KCNJ16: variants seen among roughly 807,000 people sequenced by gnomAD.
KCNJ16 encodes the protein potassium inwardly rectifying channel subfamily J member 16.
In KCNJ16, 15 loss-of-function variants were observed where a neutral mutation model predicts 18.5. The observed-to-expected ratio is 0.81, with a 90% confidence interval of 0.54 to 1.25. KCNJ16 has a LOEUF of 1.25. Among genes scored for constraint, KCNJ16 ranks in the 50% most tolerant of loss-of-function variants. The pLI is 0.00. For missense variants in KCNJ16, 523 were observed against 525.7 expected, an observed-to-expected ratio of 0.99 and a Z score of 0.05; for synonymous variants, 174 against 186.5, an observed-to-expected ratio of 0.93 and a Z score of 0.55.
chr17:70,096,842 G>T, intron 1 of KCNJ16: 1 of 397,346 alleles, frequency 2.5e-6, no homozygotes, highest in South Asian at 1.3e-4. Context: ...CTAGTAACTT[G>T]GTCAGGGTTT....
In KCNJ16 at chr17:70,133,040, G is replaced by A. The variant is rs1242759743; in HGVS notation, c.953G>A (p.Arg318Lys). 1.2e-6 allele frequency: 2 copies of A among 1,614,006 alleles called. No individual in the cohort carries two copies. Among genetic ancestry groups the A allele is most frequent in the Admixed American group, 1.7e-5 (1 of 59,990 alleles). The change falls in exon 4 of 4, where the codon AGG becomes AAG. Residue 318 changes from arginine (R) to lysine (K), a missense_variant. Coordinates refer to ENST00000392671, the MANE Select transcript of KCNJ16 (RefSeq NM_170741.4). ...HRFNDVLEVK[R>K]KYYKVNCLQF... ...TTTAATGATGTCTTGGAAGTTAAGAGGAAGTATTACAAAGTGAACTGCTTA... is the reference window on the plus strand; with the variant it reads ...TTTAATGATGTCTTGGAAGTTAAGAAGAAGTATTACAAAGTGAACTGCTTA...
intron 1 of KCNJ16, among the ~76,000 whole-genome samples, chr17:70,088,071 C>T (rs1366878124): frequency 5.5e-5 from 8 of 146,634 alleles, no homozygotes; most frequent in Non-Finnish European, 9.0e-5. Context: ...GTTTGAAAAC[C>T]AGTAGTCTAG....
chr17:70,131,909 T>C, intron 3 of KCNJ16, 86 bp from the exon 4 acceptor site: 1 of 1,166,402 alleles, frequency 8.6e-7, no homozygotes, highest in Non-Finnish European at 1.2e-6. Flanking sequence ...TTTTAGATGG[T>C]ATGACACTGC....
At chr17:70,130,095 T>C (rs1280530066) in intron 2 of KCNJ16, among the ~76,000 whole-genome samples, 1 of 152,138 alleles carries the variant, frequency 6.6e-6, no homozygotes, top group African/African-American at 2.4e-5. Flanking sequence ...TATCTCTATA[T>C]CTGCTTTTTA....
At chr17:70,103,125 A>G (rs1193013280) in intron 2 of KCNJ16, among the ~76,000 whole-genome samples, 1 of 142,580 alleles carries the variant, frequency 7.0e-6, no homozygotes, top group African/African-American at 2.6e-5. Flanking sequence ...TATATTTAAT[A>G]TATATATTTA....
intron 2 of KCNJ16, among the ~76,000 whole-genome samples, chr17:70,110,408 G>A (rs2073135758): frequency 6.6e-6 from 1 of 152,016 alleles, no homozygotes; most frequent in Admixed American, 6.6e-5. Flanking sequence ...ACAACCTAGA[G>A]CCTACGAGGA....
intron 2 of KCNJ16, among the ~76,000 whole-genome samples, chr17:70,104,595 G>C (rs1177317904): frequency 6.6e-6 from 1 of 152,238 alleles, no homozygotes; most frequent in African/African-American, 2.4e-5. Flanking sequence ...ACAAGACCTA[G>C]AGGTGTCAGT....
At position 70,134,257 on chromosome 17, in the gene KCNJ16, C is replaced by T. The variant is rs533854701; in HGVS notation, c.*913C>T. 11 of 160,382 alleles carry T rather than the reference C, an allele frequency of 6.9e-5. No homozygotes were observed. Among genetic ancestry groups the T allele is most frequent in the African/African-American group, 2.0e-4 (8 of 39,152 alleles). 9.9% of individuals were successfully genotyped at this position (160,382 alleles called of 1,614,324 possible). A position where few individuals can be genotyped will look rare whatever the true frequency, so the allele number is the denominator to read the frequency against. ...GAAACCGTTGCTAGCTTGCTGGTCC[C>T]GAAAGATTGCAACTTTGGCTGCTAC... is the stretch of plus-strand genomic sequence containing the variant. On this transcript the variant is annotated 3_prime_UTR_variant, in exon 4 of 4. Coordinates refer to ENST00000392671, the MANE Select transcript of KCNJ16 (RefSeq NM_170741.4).
intron 1 of KCNJ16, among the ~76,000 whole-genome samples, chr17:70,089,012 C>T (rs969900964): frequency 2.0e-5 from 3 of 152,144 alleles, no homozygotes; most frequent in Non-Finnish European, 4.4e-5. Context: ...TTTTTAGTCT[C>T]GTTTCCACCA....
chr17:70,135,518 A>G lies in KCNJ16; in HGVS notation c.*2174A>G, dbSNP rs775767069. 9.0e-5 allele frequency: 15 copies of G among 167,052 alleles called. No homozygotes were observed. Among genetic ancestry groups the G allele is most frequent in the Admixed American group, 2.0e-4 (3 of 15,282 alleles). The allele number at this position is 167,052 out of a possible 1,614,324, so 10.3% of individuals were successfully genotyped here. A position where few individuals can be genotyped will look rare whatever the true frequency, so the allele number is the denominator to read the frequency against. ...TGTAAAATCAGCATTTCTATGTAAC[A>G]TATATCTCTAATTATCTGTGTAATT... On this transcript the variant is annotated 3_prime_UTR_variant, in exon 4 of 4. Transcript: ENST00000392671.
intron 1 of KCNJ16, among the ~76,000 whole-genome samples, chr17:70,095,887 T>C (rs1176162977): frequency 7.7e-6 from 1 of 130,484 alleles, no homozygotes; most frequent in Non-Finnish European, 1.6e-5. Context: ...TTTTTTTTTT[T>C]TTTTTTTTTT....
At chr17:70,089,731 CAT>C (rs1409483058) in intron 1 of KCNJ16, among the ~76,000 whole-genome samples, 1 of 152,192 alleles carries the variant, frequency 6.6e-6, no homozygotes, top group African/African-American at 2.4e-5. Flanking sequence ...AAGGTTACCA[CAT>C]CTCTGTTTAT....
At chr17:70,077,722 TC>T (rs1224511685) in intron 1 of KCNJ16, among the ~76,000 whole-genome samples, 1 of 151,862 alleles carries the variant, frequency 6.6e-6, no homozygotes, top group Non-Finnish European at 1.5e-5. Context: ...AGTGAGTCCA[TC>T]CATCAGCTTT....
chr17:70,115,716 T>C, intron 2 of KCNJ16, among the ~76,000 whole-genome samples: 1 of 152,162 alleles, frequency 6.6e-6, no homozygotes, highest in East Asian at 1.9e-4. Context: ...GTTTTCATGA[T>C]TTCTCCAATT....
intron 1 of KCNJ16, among the ~76,000 whole-genome samples, chr17:70,091,809 C>T (rs1027905807): frequency 1.3e-5 from 2 of 152,132 alleles, no homozygotes; most frequent in Non-Finnish European, 1.5e-5. Context: ...TCAAGAGTCA[C>T]CTCTCCCTTA....
chr17:70,133,465 T>A lies in KCNJ16; in HGVS notation c.*121T>A. The A allele has an allele frequency of 1.3e-6, 1 of 754,112 alleles. No individual in the cohort carries two copies. The highest frequency in any genetic ancestry group is 2.1e-6 in the Non-Finnish European group (1 of 471,052). 46.7% of individuals were successfully genotyped at this position (754,112 alleles called of 1,614,324 possible). A position where few individuals can be genotyped will look rare whatever the true frequency, so the allele number is the denominator to read the frequency against. On this transcript the variant is annotated 3_prime_UTR_variant, in exon 4 of 4. Coordinates refer to ENST00000392671, the MANE Select transcript of KCNJ16 (RefSeq NM_170741.4). ...ATGTTTTATGATGATGCTGGGTAAG[T>A]AGAGTAAGTTAAACTTGGTAAAAGA... is the stretch of plus-strand genomic sequence containing the variant.
At chr17:70,099,548 C>G (rs1489245743) in intron 1 of KCNJ16, among the ~76,000 whole-genome samples, 1 of 151,924 alleles carries the variant, frequency 6.6e-6, no homozygotes, top group Non-Finnish European at 1.5e-5. Flanking sequence ...CGAAAACAGT[C>G]AAGTAGAGAC....
At chr17:70,103,685 C>G (rs989070095) in intron 2 of KCNJ16, among the ~76,000 whole-genome samples, 1 of 152,008 alleles carries the variant, frequency 6.6e-6, no homozygotes, top group Non-Finnish European at 1.5e-5. Context: ...GTTGCAATTA[C>G]TCTATGTACA....
intron 2 of KCNJ16, among the ~76,000 whole-genome samples, chr17:70,112,732 A>G (rs77650147): frequency 0.039 from 5,987 of 152,256 alleles, 386 homozygotes; most frequent in African/African-American, 0.14. Context: ...ATAAAACAAG[A>G]CCATGTGGTC....
Sources: gnomAD v4.1 joint callset for allele counts (sites outside exome capture counted in the v4.1 genomes callset) on GRCh38, gnomAD v4.1.1 for gene constraint, MANE v1.5 for transcripts, NCBI Gene and HGNC (gene_info 2026-07-23, HGNC 2026-07-21) for gene names.